NCOA6: variants seen among roughly 807,000 people sequenced by gnomAD.
The protein encoded by NCOA6 is nuclear receptor coactivator 6.
A neutral mutation model predicts 171.4 loss-of-function variants in NCOA6; 49 were observed. The ratio of observed to expected loss-of-function variants is 0.29; its 90% confidence interval spans 0.23 to 0.36. The LOEUF (loss-of-function observed/expected upper bound fraction) is 0.36. NCOA6 is among the 10% of genes least tolerant of loss of function. The pLI is 1.00. For missense variants in NCOA6, 2,248 were observed against 2,554.5 expected (o/e 0.88, Z 2.59); for synonymous variants, 910 against 927.5 (o/e 0.98, Z 0.34).
At chr20:34,798,759 T>C (rs1056491061) in intron 1 of NCOA6, among the ~76,000 whole-genome samples, 1 of 152,074 alleles carries the variant, frequency 6.6e-6, no homozygotes, top group Admixed American at 6.6e-5. Context: ...AGAGCCACAG[T>C]TTTACTACAC....
Position 34,740,829 on chromosome 20 carries a change from G to A in NCOA6, c.5427C>T (p.Ser1809=). The change falls in exon 11 of 15, where the codon AGC becomes AGT. Residue 1809 remains serine (S), a synonymous_variant. Coordinates refer to ENST00000359003, the MANE Select transcript of NCOA6 (RefSeq NM_014071.5). ...CTTTGCCCTTACTAGACGAGACTGG[G>A]CTTCGCCGGTTGCCAGAGGACCCTG... ...NSPGSSGNRR[S]PVSSSKGKGK... The A allele has an allele frequency of 6.2e-7, 1 of 1,614,248 alleles. No homozygotes were observed.
chr20:34,785,442 T>TAA (rs765192660), intron 2 of NCOA6, among the ~76,000 whole-genome samples: 36 of 110,388 alleles, frequency 3.3e-4, no homozygotes, highest in Non-Finnish European at 6.9e-4. Flanking sequence ...TTTTAAAAAT[T>TAA]AAAAAAAAAA....
intron 2 of NCOA6, among the ~76,000 whole-genome samples, chr20:34,785,194 A>G (rs962754873): frequency 1.3e-5 from 2 of 152,084 alleles, no homozygotes; most frequent in South Asian, 4.1e-4. Flanking sequence ...CTTCTGTTAT[A>G]AGTAAATATG....
At chr20:34,767,122 C>T (rs2077003996) in intron 5 of NCOA6, among the ~76,000 whole-genome samples, 2 of 152,158 alleles carry the variant, frequency 1.3e-5, no homozygotes, top group South Asian at 2.1e-4. Flanking sequence ...GGCTCTTCTA[C>T]CTTCAAGCAT....
chr20:34,730,750 T>C (rs1386468213), intron 13 of NCOA6, among the ~76,000 whole-genome samples: 1 of 150,360 alleles, frequency 6.7e-6, no homozygotes, highest in Admixed American at 6.6e-5. Context: ...TCTTACTCTG[T>C]TGCTCATGTT....
Position 34,761,655 on chromosome 20 carries a change from T to G in NCOA6, c.515-2722A>C, listed in dbSNP as rs568774318. Among the ~76,000 whole-genome samples, 9 of 152,056 alleles carry G rather than the reference T, an allele frequency of 5.9e-5. No individual in the cohort carries two copies. In the South Asian group the frequency reaches 1.5e-3, roughly 25 times the overall value. ...TTCTTGAATTATGACTGCATGGTTTTGTTTTGTTTTTTTTCTCCGAGATGG... is the reference window on the plus strand; with the variant it reads ...TTCTTGAATTATGACTGCATGGTTTGGTTTTGTTTTTTTTCTCCGAGATGG... On this transcript the variant is annotated intron_variant, in intron 5 of 14. Transcript: ENST00000359003.
At position 34,727,369 on chromosome 20, in the gene NCOA6, G is replaced by A. The variant is rs781033945; in HGVS notation, c.6038C>T (p.Pro2013Leu). 2.5e-6 allele frequency: 4 copies of A among 1,613,900 alleles called. No individual in the cohort carries two copies. The highest frequency in any genetic ancestry group is 2.7e-5 in the African/African-American group (2 of 74,916). The change falls in exon 14 of 15, where the codon CCA becomes CTA. Residue 2013 changes from proline to leucine, a missense_variant. Physicochemically the swap from Pro to Leu is moderately conservative, Grantham distance 98 (BLOSUM62 -3). Coordinates refer to ENST00000359003, the MANE Select transcript of NCOA6 (RefSeq NM_014071.5). Reference protein sequence around the residue: ...PKEIVEKSKIPGRRNSRTEEP... With the variant: ...PKEIVEKSKILGRRNSRTEEP... ...TTCAGTTCGGGAGTTTCTTCGGCCT[G>A]GGATTTTGGACTTTTCAACTATCTC...
intron 1 of NCOA6, among the ~76,000 whole-genome samples, chr20:34,824,025 G>C (rs755513698): frequency 6.6e-6 from 1 of 152,204 alleles, no homozygotes; most frequent in Non-Finnish European, 1.5e-5. Context: ...AGGTCTCAAA[G>C]ATAACTTCTT....
At chr20:34,817,798 C>T (rs1363261683) in intron 1 of NCOA6, among the ~76,000 whole-genome samples, 2 of 152,166 alleles carry the variant, frequency 1.3e-5, no homozygotes, top group Non-Finnish European at 2.9e-5. Context: ...AGTAAACTAG[C>T]TCCATATCTC....
chr20:34,763,465 C>T (rs995908643), intron 5 of NCOA6, among the ~76,000 whole-genome samples: 10 of 152,136 alleles, frequency 6.6e-5, no homozygotes, highest in African/African-American at 2.4e-4. Context: ...TCTTATGATT[C>T]TCATAATTGT....
intron 5 of NCOA6, among the ~76,000 whole-genome samples, chr20:34,767,823 T>C (rs1275135279): frequency 6.6e-6 from 1 of 152,188 alleles, no homozygotes; most frequent in Non-Finnish European, 1.5e-5. Context: ...AGATCTGTGA[T>C]ACTAGTTTAT....
chr20:34,820,889 C>T (rs1159509431), intron 1 of NCOA6: 2 of 151,678 alleles, frequency 1.3e-5, no homozygotes, highest in South Asian at 2.1e-4. Context: ...TAAAAGACAA[C>T]CCAATAAAAA....
intron 13 of NCOA6, among the ~76,000 whole-genome samples, chr20:34,728,004 C>T (rs1218826283): frequency 2.6e-5 from 4 of 151,850 alleles, no homozygotes; most frequent in Non-Finnish European, 5.9e-5. Flanking sequence ...GGATTACAGG[C>T]GTGAGCCATT....
intron 13 of NCOA6, among the ~76,000 whole-genome samples, chr20:34,729,908 A>G (rs1990408184): frequency 6.6e-6 from 1 of 152,132 alleles, no homozygotes; most frequent in Non-Finnish European, 1.5e-5. Flanking sequence ...ACCCAACCAT[A>G]AGCCAAGGTA....
At chr20:34,791,797 C>T (rs2077894532) in intron 2 of NCOA6, among the ~76,000 whole-genome samples, 1 of 152,026 alleles carries the variant, frequency 6.6e-6, no homozygotes, top group Admixed American at 6.6e-5. Context: ...TAATACTGTA[C>T]ATGAAGGAAA....
At chr20:34,738,085 T>G (rs1177792841) in intron 11 of NCOA6, among the ~76,000 whole-genome samples, 3 of 152,130 alleles carry the variant, frequency 2.0e-5, no homozygotes, top group Non-Finnish European at 4.4e-5. Context: ...ATTTTTTTTG[T>G]AGAGACAGGG....
intron 5 of NCOA6, among the ~76,000 whole-genome samples, chr20:34,767,188 C>T (rs1384491384): frequency 6.6e-6 from 1 of 152,154 alleles, no homozygotes; most frequent in Non-Finnish European, 1.5e-5. Flanking sequence ...GAAAGTATTG[C>T]TTGGGGAAGT....
At chr20:34,716,826 T>C (rs1988662933) in intron 14 of NCOA6, among the ~76,000 whole-genome samples, 1 of 152,030 alleles carries the variant, frequency 6.6e-6, no homozygotes, top group Non-Finnish European at 1.5e-5. Flanking sequence ...AGCCTGAAGC[T>C]CTCCAAAGGT....
intron 1 of NCOA6, chr20:34,820,291 TGCTTGAGCCCAGGA>T (rs1277641254): frequency 1.3e-5 from 2 of 151,952 alleles, no homozygotes; most frequent in African/African-American, 4.8e-5. Context: ...GTGGGAGGGT[TGCTTGAGCCCAGGA>T]GGTTGAGGCT....
Sources: allele counts gnomAD v4.1 joint callset (sites outside exome capture counted in the v4.1 genomes callset), GRCh38; gene constraint gnomAD v4.1.1; transcripts MANE v1.5; gene names NCBI Gene and HGNC (gene_info 2026-07-23, HGNC 2026-07-21).